The following PRKG1 variants were observed in gnomAD, a reference collection of about 807,000 sequenced individuals.
The protein encoded by PRKG1 is protein kinase cGMP-dependent 1, also known as cGMP-dependent protein kinase 1.
In PRKG1, 35 loss-of-function variants were observed where a neutral mutation model predicts 88.1. The observed-to-expected ratio is 0.40, with a 90% CI of 0.30 to 0.53. The LOEUF (loss-of-function observed/expected upper bound fraction) is 0.53, where lower values mean the gene tolerates loss of function less well. Ranked by LOEUF, PRKG1 falls within the 20% of genes least tolerant of loss-of-function variation. The pLI is 0.59. For synonymous variants in PRKG1, 303 were observed against 292.5 expected (o/e 1.04, Z -0.37); for missense variants, 540 against 839.8 (o/e 0.64, Z 4.41).
At chr10:51,699,649 G>T in intron 3 of PRKG1, 1 of 1,379,718 alleles carries the variant, frequency 7.2e-7, no homozygotes, top group South Asian at 1.4e-5. Context: ...TTCAAGATCC[G>T]GGCAGAAACT....
intron 5 of PRKG1, among the ~76,000 whole-genome samples, chr10:51,915,481 T>C (rs1041267884): frequency 5.3e-5 from 8 of 152,218 alleles, no homozygotes; most frequent in African/African-American, 1.9e-4. Context: ...ATTTCACTTG[T>C]GTCTTCCCTT....
chr10:51,677,550 C>T (rs999578235), intron 3 of PRKG1, among the ~76,000 whole-genome samples: 1 of 152,138 alleles, frequency 6.6e-6, no homozygotes, highest in African/African-American at 2.4e-5. Context: ...TGGGGCAGGT[C>T]TGCCACAACA....
intron 3 of PRKG1, among the ~76,000 whole-genome samples, chr10:51,625,474 C>G (rs1839312640): frequency 6.6e-6 from 1 of 151,854 alleles, no homozygotes; most frequent in South Asian, 2.1e-4. Flanking sequence ...GAGATTCTGT[C>G]TCAATAAAAA....
intron 3 of PRKG1, among the ~76,000 whole-genome samples, chr10:51,501,442 G>A (rs1167441254): frequency 3.3e-5 from 5 of 152,154 alleles, no homozygotes; most frequent in Non-Finnish European, 7.3e-5. Flanking sequence ...GGTAGGCTAT[G>A]CAACCTGCTG....
intron 7 of PRKG1, among the ~76,000 whole-genome samples, chr10:52,111,453 T>C (rs1847562928): frequency 6.6e-6 from 1 of 152,230 alleles, no homozygotes; most frequent in Non-Finnish European, 1.5e-5. Context: ...CATATTGTGA[T>C]GTTTCTCTAC....
chr10:51,052,772 C>T (rs1011240367), intron 1 of PRKG1, among the ~76,000 whole-genome samples: 1 of 152,182 alleles, frequency 6.6e-6, no homozygotes, highest in African/African-American at 2.4e-5. Context: ...AGAGATTTAT[C>T]ACCAAACCAG....
chr10:51,705,801 C>A (rs1375718477), intron 3 of PRKG1, among the ~76,000 whole-genome samples: 1 of 152,116 alleles, frequency 6.6e-6, no homozygotes, highest in Non-Finnish European at 1.5e-5. Flanking sequence ...GAACACAAAC[C>A]ATTTGGCTTA....
intron 2 of PRKG1, among the ~76,000 whole-genome samples, chr10:51,238,196 G>A (rs1839048737): frequency 6.6e-6 from 1 of 152,152 alleles, no homozygotes. Flanking sequence ...CTTATAAGTA[G>A]TAGTAGAATA....
intron 1 of PRKG1, among the ~76,000 whole-genome samples, chr10:51,075,634 G>T (rs1843929743): frequency 1.3e-5 from 2 of 152,220 alleles, no homozygotes; most frequent in Admixed American, 1.3e-4. Context: ...AGAGGTGGTT[G>T]CTTGTTTCCA....
intron 14 of PRKG1, among the ~76,000 whole-genome samples, chr10:52,286,042 A>G (rs974165121): frequency 6.6e-6 from 1 of 152,122 alleles, no homozygotes; most frequent in African/African-American, 2.4e-5. Context: ...AATCCATGGC[A>G]TAAAGAATTG....
chr10:51,407,917 A>G (rs1837966044), intron 2 of PRKG1, among the ~76,000 whole-genome samples: 2 of 152,268 alleles, frequency 1.3e-5, no homozygotes, highest in East Asian at 3.9e-4. Context: ...TGGTGACTTA[A>G]AGGTAGGAGG....
At position 51,481,219 on chromosome 10, in the gene PRKG1, TC is replaced by T. The variant is rs574225505; in HGVS notation, c.592+13385del. On this transcript the variant is annotated intron_variant, in intron 3 of 17. Coordinates refer to ENST00000373980, the MANE Select transcript of PRKG1 (RefSeq NM_006258.4). ...TCTCTCCCTCCCTCCTTTCGTTCCT[TC>T]CTTCCTTCCTTCTTTCTTGCTCTCT... Among the ~76,000 whole-genome samples, 274 of 139,640 alleles carry T rather than the reference TC, an allele frequency of 2.0e-3. 1 individual carries two copies. Among genetic ancestry groups the T allele is most frequent in the African/African-American group, 6.5e-3 (258 of 39,510 alleles). The allele number at this position is 139,640 out of a possible 152,430, so 91.6% of individuals were successfully genotyped here. A position where few individuals can be genotyped will look rare whatever the true frequency, so the allele number is the denominator to read the frequency against.
intron 3 of PRKG1, among the ~76,000 whole-genome samples, chr10:51,770,364 T>C (rs1476408279): frequency 6.6e-6 from 1 of 152,206 alleles, no homozygotes; most frequent in Non-Finnish European, 1.5e-5. Flanking sequence ...GCATCAGCAA[T>C]CATCTGGAAG....
intron 2 of PRKG1, among the ~76,000 whole-genome samples, chr10:51,361,145 GTA>G (rs1209578050): frequency 6.6e-5 from 10 of 151,726 alleles, no homozygotes; most frequent in Admixed American, 6.6e-4. Context: ...CAATTTTTTG[GTA>G]TATGATGTCC....
At chr10:51,586,422 G>C (rs140597053) in intron 3 of PRKG1, among the ~76,000 whole-genome samples, 1 of 151,998 alleles carries the variant, frequency 6.6e-6, no homozygotes, top group Non-Finnish European at 1.5e-5. Flanking sequence ...TTGACATGAG[G>C]TATCTTCTGA....
chr10:51,556,577 G>A lies in PRKG1; in HGVS notation c.592+88741G>A, dbSNP rs1246090727. On this transcript the variant is annotated intron_variant, in intron 3 of 17. Coordinates refer to ENST00000373980, the MANE Select transcript of PRKG1 (RefSeq NM_006258.4). ...ATGAAAATGTTCCTTGCAGCAATAT[G>A]GATGCAGCTGGAGGCCATTATCCTA... Among the ~76,000 whole-genome samples the A allele has an allele frequency of 2.0e-5, 3 of 151,962 alleles. No individual in the cohort carries two copies. The East Asian group carries it at 5.8e-4, about 29-fold the overall frequency.
At chr10:51,108,016 A>G (rs1049049122) in intron 1 of PRKG1, among the ~76,000 whole-genome samples, 3 of 152,100 alleles carry the variant, frequency 2.0e-5, no homozygotes, top group African/African-American at 4.8e-5. Flanking sequence ...AAATGGACAG[A>G]TTATTTAAAA....
chr10:51,126,230 T>C (rs1245934167), intron 1 of PRKG1, among the ~76,000 whole-genome samples: 2 of 121,274 alleles, frequency 1.6e-5, no homozygotes, highest in African/African-American at 6.8e-5. Context: ...TATTTATATA[T>C]TTATAATTAT....
intron 5 of PRKG1, among the ~76,000 whole-genome samples, chr10:52,013,105 T>G (rs1365365314): frequency 1.3e-5 from 2 of 152,122 alleles, no homozygotes; most frequent in East Asian, 3.9e-4. Context: ...GTGATAAAGG[T>G]TAACCAGTGC....
Sources: gnomAD v4.1 joint callset for allele counts (sites outside exome capture counted in the v4.1 genomes callset) on GRCh38, gnomAD v4.1.1 for gene constraint, MANE v1.5 for transcripts, NCBI Gene and HGNC (gene_info 2026-07-23, HGNC 2026-07-21) for gene names.